SCLT1: variants seen among roughly 807,000 people sequenced by gnomAD.
SCLT1 encodes the protein sodium channel and clathrin linker 1.
A neutral mutation model predicts 112.8 loss-of-function variants in SCLT1; 78 were observed. The ratio of observed to expected loss-of-function variants is 0.69; its 90% CI spans 0.58 to 0.83. SCLT1 has a LOEUF of 0.83. Among genes scored for constraint, SCLT1 ranks in the 40% least tolerant of loss-of-function variants. SCLT1 has a pLI of 0.00. For synonymous variants in SCLT1, 257 were observed against 254.7 expected (o/e 1.01, Z -0.09); for missense variants, 747 against 770.4 (o/e 0.97, Z 0.36).
intron 5 of SCLT1, among the ~76,000 whole-genome samples, chr4:129,038,788 C>T (rs887966196): frequency 2.0e-5 from 3 of 151,930 alleles, no homozygotes; most frequent in African/African-American, 7.3e-5. Context: ...TTACTTTATC[C>T]CTTACAGTCA....
chr4:128,924,279 ATTAT>A (rs1736123131), intron 18 of SCLT1, among the ~76,000 whole-genome samples: 3 of 150,750 alleles, frequency 2.0e-5, no homozygotes. Context: ...TTTATTTTTT[ATTAT>A]TTATTTATAT....
chr4:129,025,392 A>G (rs1388897667), intron 5 of SCLT1, among the ~76,000 whole-genome samples: 2 of 152,206 alleles, frequency 1.3e-5, no homozygotes, highest in African/African-American at 4.8e-5. Context: ...GGGGGCCAAT[A>G]TTCAACATTC....
chr4:129,080,508 T>C (rs1751845176), intron 2 of SCLT1, among the ~76,000 whole-genome samples: 1 of 152,326 alleles, frequency 6.6e-6, no homozygotes, highest in South Asian at 2.1e-4. Flanking sequence ...TTCTACAACA[T>C]GGCAAGAGTG....
chr4:129,036,196 CT>C (rs1257258989), intron 5 of SCLT1, among the ~76,000 whole-genome samples: 2 of 151,962 alleles, frequency 1.3e-5, no homozygotes, highest in East Asian at 3.9e-4. Flanking sequence ...CCAAAAGTGT[CT>C]TTAATAAACT....
downstream of SCLT1, among the ~76,000 whole-genome samples, chr4:128,879,706 T>C (rs535378403): frequency 1.4e-4 from 21 of 152,316 alleles, no homozygotes; most frequent in African/African-American, 4.8e-4. Flanking sequence ...TTAATACACA[T>C]AAGCATGTTA....
intron 12 of SCLT1, among the ~76,000 whole-genome samples, chr4:128,958,226 A>G (rs1407565454): frequency 6.6e-6 from 1 of 152,116 alleles, no homozygotes; most frequent in East Asian, 1.9e-4. Flanking sequence ...TTTTGTAAAA[A>G]TTGTTTTTTA....
intron 18 of SCLT1, among the ~76,000 whole-genome samples, chr4:128,909,834 G>A (rs1734956442): frequency 6.6e-6 from 1 of 152,188 alleles, no homozygotes; most frequent in African/African-American, 2.4e-5. Flanking sequence ...GAGGCAGAGA[G>A]GCAGACTGCA....
At chr4:128,941,488 A>G (rs557882196) in intron 17 of SCLT1, among the ~76,000 whole-genome samples, 1 of 151,610 alleles carries the variant, frequency 6.6e-6, no homozygotes, top group East Asian at 1.9e-4. Context: ...TGGAGTATCT[A>G]TTTTTTTCTT....
At chr4:129,072,657 GTT>G in intron 2 of SCLT1, among the ~76,000 whole-genome samples, 1 of 151,774 alleles carries the variant, frequency 6.6e-6, no homozygotes, top group East Asian at 1.9e-4. Context: ...ATTTTTTATT[GTT>G]TTTTTCTTCA....
At chr4:128,888,844 A>G (rs1349896143) in intron 19 of SCLT1, 70 bp from the exon 20 acceptor site, 6 of 877,262 alleles carry the variant, frequency 6.8e-6, no homozygotes, top group South Asian at 3.1e-5. Flanking sequence ...GGAATAATCA[A>G]CGAAAAATCT....
chr4:128,907,130 AGGAGGTG>A (rs1734751334), intron 18 of SCLT1, among the ~76,000 whole-genome samples: 1 of 127,448 alleles, frequency 7.8e-6, no homozygotes, highest in Non-Finnish European at 1.6e-5. Flanking sequence ...GAGTGTTACT[AGGAGGTG>A]GGGGTGGGAG....
intron 6 of SCLT1, among the ~76,000 whole-genome samples, chr4:129,001,907 T>A (rs1274414954): frequency 6.6e-6 from 1 of 152,026 alleles, no homozygotes; most frequent in Non-Finnish European, 1.5e-5. Context: ...TTTAATCCCA[T>A]GAAATCAATT....
At chr4:128,987,026 G>A (rs35961303) in intron 9 of SCLT1, among the ~76,000 whole-genome samples, 13,382 of 152,176 alleles carry the variant, frequency 0.088, 752 homozygotes, top group South Asian at 0.15. Context: ...TCTTACCGAA[G>A]TCTAGCAAGT....
At chr4:128,897,665 C>T (rs1168247548) in intron 18 of SCLT1, among the ~76,000 whole-genome samples, 2 of 152,176 alleles carry the variant, frequency 1.3e-5, no homozygotes, top group Non-Finnish European at 2.9e-5. Context: ...CAAATTCACA[C>T]ATAACAATAT....
intron 9 of SCLT1, among the ~76,000 whole-genome samples, chr4:128,981,219 C>T (rs552848257): frequency 4.6e-5 from 7 of 152,296 alleles, no homozygotes; most frequent in African/African-American, 1.4e-4. Flanking sequence ...TTGCTTCTAA[C>T]CTCCAAACTC....
chr4:128,914,496 G>A (rs1735333247), intron 18 of SCLT1, among the ~76,000 whole-genome samples: 1 of 152,170 alleles, frequency 6.6e-6, no homozygotes, highest in Non-Finnish European at 1.5e-5. Flanking sequence ...GGACATACAT[G>A]TGAAACCAGA....
At chr4:128,923,444 CAAA>C (rs35945474) in intron 18 of SCLT1, among the ~76,000 whole-genome samples, 2 of 81,394 alleles carry the variant, frequency 2.5e-5, no homozygotes, top group Non-Finnish European at 4.5e-5. Flanking sequence ...GACTCCATCT[CAAA>C]AAAAAAAAAA....
intron 5 of SCLT1, among the ~76,000 whole-genome samples, chr4:129,026,693 C>G (rs909654919): frequency 6.6e-6 from 1 of 152,070 alleles, no homozygotes; most frequent in Non-Finnish European, 1.5e-5. Flanking sequence ...CAAGAAATAA[C>G]TAAGATCAGA....
At chr4:129,004,297 C>T (rs1579662900) in intron 5 of SCLT1, among the ~76,000 whole-genome samples, 1 of 152,160 alleles carries the variant, frequency 6.6e-6, no homozygotes, top group Middle Eastern at 3.4e-3. Context: ...TTTTCTTCAG[C>T]GTGTTTCACC....
Sources: allele counts gnomAD v4.1 joint callset (sites outside exome capture counted in the v4.1 genomes callset), GRCh38; gene constraint gnomAD v4.1.1; transcripts MANE v1.5; gene names NCBI Gene and HGNC (gene_info 2026-07-23, HGNC 2026-07-21).